The following MGST2 variants were observed in gnomAD, a reference collection of about 807,000 sequenced individuals.
MGST2 encodes the protein microsomal glutathione S-transferase 2.
MGST2 carries 9 observed loss-of-function variants against 16.6 expected under a neutral mutation model. That is an observed-to-expected ratio of 0.54 (90% confidence interval 0.33 to 0.95). The LOEUF (loss-of-function observed/expected upper bound fraction) is 0.95, where lower values mean the gene tolerates loss of function less well. Ranked by LOEUF, MGST2 falls within the 40% of genes least tolerant of loss-of-function variation. MGST2 has a pLI of 0.03. For missense variants in MGST2, 159 were observed against 175.1 expected (o/e 0.91, Z 0.52); for synonymous variants, 79 against 68.0 (o/e 1.16, Z -0.79).
intron 1 of MGST2, among the ~76,000 whole-genome samples, chr4:139,669,741 A>G (rs1001031753): frequency 2.0e-5 from 3 of 152,238 alleles, no homozygotes; most frequent in African/African-American, 7.2e-5. Context: ...TTAACAGGAG[A>G]AAGGCTGTGA....
At chr4:139,713,698 G>A (rs529831471) in intron 5 of MGST2, among the ~76,000 whole-genome samples, 3 of 152,256 alleles carry the variant, frequency 2.0e-5, no homozygotes, top group Admixed American at 6.5e-5. Flanking sequence ...ACAATGCCAA[G>A]CGGCCAATAT....
intron 5 of MGST2, among the ~76,000 whole-genome samples, chr4:139,724,033 C>T (rs1478998703): frequency 6.6e-6 from 1 of 152,188 alleles, no homozygotes; most frequent in Non-Finnish European, 1.5e-5. Context: ...GACTAGTCCC[C>T]ACTCTTCCGA....
chr4:139,728,846 G>C (rs1268416310), intron 5 of MGST2, among the ~76,000 whole-genome samples: 1 of 152,182 alleles, frequency 6.6e-6, no homozygotes, highest in Non-Finnish European at 1.5e-5. Context: ...CCCTTGGGCT[G>C]CACAGCTGAG....
At chr4:139,666,109 C>T (rs2646047) in intron 1 of MGST2, 32 bp downstream of exon 1, 344,176 of 1,417,502 alleles carry the variant, frequency 0.24, 38,382 homozygotes, top group East Asian at 0.38. Context: ...TGTGTGTGCG[C>T]GTGTGTGCGT....
chr4:139,672,245 A>G (rs1020486306), intron 1 of MGST2, among the ~76,000 whole-genome samples: 2 of 152,190 alleles, frequency 1.3e-5, no homozygotes, highest in Non-Finnish European at 2.9e-5. Context: ...GTGCATTACT[A>G]ATTCATAAGT....
chr4:139,728,508 C>A (rs1728568154), intron 5 of MGST2, among the ~76,000 whole-genome samples: 1 of 152,218 alleles, frequency 6.6e-6, no homozygotes, highest in South Asian at 2.1e-4. Context: ...CCTAATCTGG[C>A]AGATGAAGAG....
At chr4:139,730,605 G>T in intron 5 of MGST2, 1 of 1,612,084 alleles carries the variant, frequency 6.2e-7, no homozygotes, top group South Asian at 1.1e-5. Context: ...TGCCACCTGA[G>T]CCTGGGGGCA....
chr4:139,742,851 G>A (rs1729210686), downstream of MGST2, among the ~76,000 whole-genome samples: 1 of 152,162 alleles, frequency 6.6e-6, no homozygotes, highest in South Asian at 2.1e-4. Flanking sequence ...TATAACAATA[G>A]AGGCCTTCAA....
At chr4:139,683,919 G>GTTTTTT (rs34222679) in intron 2 of MGST2, among the ~76,000 whole-genome samples, 21 of 92,402 alleles carry the variant, frequency 2.3e-4, no homozygotes, top group Non-Finnish European at 3.0e-4. Flanking sequence ...TCAGTTTTGT[G>GTTTTTT]TTTTTTTTTT....
chr4:139,711,586 T>C (rs969270670), intron 5 of MGST2, among the ~76,000 whole-genome samples: 1 of 151,968 alleles, frequency 6.6e-6, no homozygotes, highest in African/African-American at 2.4e-5. Flanking sequence ...AGACCAGAGG[T>C]CACTCTCGTC....
At chr4:139,709,071 A>AATTTTTT (rs755140695), downstream of MGST2, among the ~76,000 whole-genome samples, 14 of 82,026 alleles carry the variant, frequency 1.7e-4, 2 homozygotes, top group South Asian at 4.9e-4. Flanking sequence ...AATGGAAAAA[A>AATTTTTT]TTTTTTTTTT....
At chr4:139,691,402 A>G (rs1726572464) in intron 2 of MGST2, among the ~76,000 whole-genome samples, 1 of 152,142 alleles carries the variant, frequency 6.6e-6, no homozygotes, top group Non-Finnish European at 1.5e-5. Context: ...TCAAGAAGTA[A>G]TTTTCAGAGT....
At chr4:139,670,730 T>C (rs542692838) in intron 1 of MGST2, among the ~76,000 whole-genome samples, 2 of 151,866 alleles carry the variant, frequency 1.3e-5, no homozygotes, top group African/African-American at 2.4e-5. Context: ...CTGGGCAACA[T>C]GATGAAATGC....
At chr4:139,719,220 C>T (rs759285262) in intron 5 of MGST2, 16 of 1,372,008 alleles carry the variant, frequency 1.2e-5, no homozygotes, top group South Asian at 6.2e-5. Flanking sequence ...GCTCAGTTTA[C>T]GTGGGTCAAA....
chr4:139,686,874 T>A (rs543807338), intron 2 of MGST2, among the ~76,000 whole-genome samples: 10 of 152,204 alleles, frequency 6.6e-5, no homozygotes, highest in Non-Finnish European at 1.0e-4. Context: ...TCTTTCATGA[T>A]CTGAAAACTT....
intron 5 of MGST2, chr4:139,716,982 C>T (rs1727997570): frequency 6.6e-6 from 1 of 152,518 alleles, no homozygotes; most frequent in East Asian, 1.9e-4. Flanking sequence ...TGCAATACCA[C>T]TGCTGTGATG....
At chr4:139,717,281 A>G (rs906035600) in intron 5 of MGST2, 1 of 152,572 alleles carries the variant, frequency 6.6e-6, no homozygotes, top group African/African-American at 2.4e-5. Flanking sequence ...TCTCACTTCC[A>G]TTAGCCACCT....
In MGST2 at chr4:139,704,062, C is replaced by G. The variant is rs755554175; in HGVS notation, c.358C>G (p.Leu120Val). The change falls in exon 5 of 5, where the codon CTC (leucine) becomes GTC (valine). Residue 120 changes from leucine to valine, a missense_variant. Leu to Val is a conservative substitution (Grantham distance 32). Coordinates refer to ENST00000265498, the MANE Select transcript of MGST2 (RefSeq NM_002413.5). ...LSLGILALLT[L>V]LGALGIANSF... is the part of the protein sequence containing the mutation. Reference sequence around the variant, plus strand: ...TCTGGGGATTTTGGCCTTGTTGACCCTCCTAGGTGCCCTGGGAATTGCAAA... The same window carrying G: ...TCTGGGGATTTTGGCCTTGTTGACCGTCCTAGGTGCCCTGGGAATTGCAAA... 5 of 1,614,106 alleles carry G rather than the reference C, an allele frequency of 3.1e-6. No individual in the cohort carries two copies. In the South Asian group the frequency reaches 5.5e-5, roughly 18 times the overall value.
At position 139,717,936 on chromosome 4, in the gene MGST2, A is replaced by C. The variant is rs1020369309; in HGVS notation, c.*48+13740A>C. The stretch of plus-strand genomic sequence containing the variant: ...GAGAACAACTGTACAGGACTTTGGA[A>C]GAGGACTACTTTGCCCATATGAAAT... On this transcript the variant is annotated intron_variant, in intron 5 of 5. Transcript: ENST00000616265. 7.2e-5 allele frequency: 11 copies of C among 152,208 alleles called. 1 individual carries two copies. Among genetic ancestry groups the C allele is most frequent in the Admixed American group, 6.5e-4 (10 of 15,284 alleles). The allele number at this position is 152,208 out of a possible 1,614,324, so 9.4% of individuals were successfully genotyped here.
Sources: allele counts gnomAD v4.1 joint callset (sites outside exome capture counted in the v4.1 genomes callset), GRCh38; gene constraint gnomAD v4.1.1; transcripts MANE v1.5; gene names NCBI Gene and HGNC (gene_info 2026-07-23, HGNC 2026-07-21).